Variants in EIF4G3 observed in about 807,000 individuals in gnomAD.
EIF4G3 encodes the protein eukaryotic translation initiation factor 4 gamma 3, also known as eIF-4-gamma 3.
A neutral mutation model predicts 186.4 loss-of-function variants in EIF4G3; 34 were observed. That is an observed-to-expected ratio of 0.18 (90% CI 0.14 to 0.24). The LOEUF (loss-of-function observed/expected upper bound fraction) is 0.24, where lower values mean the gene tolerates loss of function less well. EIF4G3 is among the 10% of genes least tolerant of loss of function. The pLI is 1.00. For missense variants in EIF4G3, 1,536 were observed against 1,948.5 expected (o/e 0.79, Z 3.99); for synonymous variants, 673 against 679.5 (o/e 0.99, Z 0.15).
At chr1:21,164,757 G>A (rs2097827254) in intron 2 of EIF4G3, among the ~76,000 whole-genome samples, 2 of 152,124 alleles carry the variant, frequency 1.3e-5, no homozygotes, top group South Asian at 4.1e-4. Context: ...CCAGTTACTT[G>A]GGAAGCTTAG....
chr1:20,953,891 T>G (rs1254364605), intron 12 of EIF4G3, among the ~76,000 whole-genome samples: 2 of 152,142 alleles, frequency 1.3e-5, no homozygotes, highest in Non-Finnish European at 2.9e-5. Context: ...ATAAATAACA[T>G]GTTATTGGAA....
At chr1:21,127,293 T>G (rs900532154) in intron 2 of EIF4G3, among the ~76,000 whole-genome samples, 2 of 152,118 alleles carry the variant, frequency 1.3e-5, no homozygotes, top group African/African-American at 4.8e-5. Context: ...AAATTTTTTT[T>G]CAGGACTCAA....
chr1:20,936,577 T>A (rs992473339), intron 14 of EIF4G3, among the ~76,000 whole-genome samples: 3 of 152,228 alleles, frequency 2.0e-5, no homozygotes, highest in African/African-American at 7.2e-5. Flanking sequence ...TATTTTAGAA[T>A]ATGTAAGTTG....
At chr1:21,094,805 A>AT (rs55725003) in intron 2 of EIF4G3, among the ~76,000 whole-genome samples, 6 of 148,570 alleles carry the variant, frequency 4.0e-5, no homozygotes, top group East Asian at 2.0e-4. Flanking sequence ...AATAATAATA[A>AT]AAGCCAGGAT....
At chr1:21,027,884 A>G (rs994512520) in intron 4 of EIF4G3, among the ~76,000 whole-genome samples, 2 of 152,214 alleles carry the variant, frequency 1.3e-5, no homozygotes, top group African/African-American at 4.8e-5. Context: ...ATGAAAGCCA[A>G]CCAAGTATGC....
At chr1:21,078,466 A>G (rs1327758582) in intron 3 of EIF4G3, among the ~76,000 whole-genome samples, 1 of 152,224 alleles carries the variant, frequency 6.6e-6, no homozygotes, top group Admixed American at 6.5e-5. Context: ...AAGGGTGGTG[A>G]GACATATGAA....
chr1:21,173,506 G>T (rs2098033482), intron 2 of EIF4G3, among the ~76,000 whole-genome samples: 2 of 152,004 alleles, frequency 1.3e-5, no homozygotes, highest in South Asian at 4.2e-4. Flanking sequence ...GGTCAACATG[G>T]TGAAACCCAG....
chr1:21,110,968 T>C (rs1004152418), intron 2 of EIF4G3, among the ~76,000 whole-genome samples: 5 of 152,248 alleles, frequency 3.3e-5, no homozygotes, highest in Non-Finnish European at 4.4e-5. Flanking sequence ...CCAAAACACT[T>C]GACTTTCTCT....
chr1:20,950,857 A>T (rs1017539241), intron 12 of EIF4G3, among the ~76,000 whole-genome samples: 2 of 152,218 alleles, frequency 1.3e-5, no homozygotes, highest in African/African-American at 4.8e-5. Flanking sequence ...ACTTAGAGGG[A>T]ACAGAATTAC....
intron 33 of EIF4G3, among the ~76,000 whole-genome samples, chr1:20,817,972 C>A (rs1054377207): frequency 6.6e-6 from 1 of 152,170 alleles, no homozygotes; most frequent in African/African-American, 2.4e-5. Context: ...CCACGCCCAA[C>A]CTGTTCGTAT....
chr1:20,950,560 G>A (rs1009369967), intron 12 of EIF4G3, among the ~76,000 whole-genome samples: 1 of 152,096 alleles, frequency 6.6e-6, no homozygotes, highest in Non-Finnish European at 1.5e-5. Flanking sequence ...GCTGAAAAGC[G>A]GTTACAGATT....
At chr1:21,173,621 T>C (rs2098037422) in intron 2 of EIF4G3, among the ~76,000 whole-genome samples, 1 of 151,868 alleles carries the variant, frequency 6.6e-6, no homozygotes, top group Admixed American at 6.6e-5. Context: ...CCAGCCGGCG[T>C]AGGTTGCAGT....
intron 27 of EIF4G3, 136 bp downstream of exon 27, chr1:20,853,423 TG>T (rs1190345150): frequency 3.5e-6 from 2 of 578,084 alleles, no homozygotes; most frequent in Non-Finnish European, 6.3e-6. Context: ...TTATAGTGTG[TG>T]AAGATTAAAG....
chr1:21,130,267 C>A (rs889891973), intron 2 of EIF4G3, among the ~76,000 whole-genome samples: 3 of 148,126 alleles, frequency 2.0e-5, no homozygotes, highest in Non-Finnish European at 4.5e-5. Flanking sequence ...CTCTGTCGCC[C>A]AGGCTAGGGT....
intron 26 of EIF4G3, among the ~76,000 whole-genome samples, chr1:20,854,712 T>TATAA (rs375345484): frequency 0.076 from 11,287 of 147,934 alleles, 614 homozygotes; most frequent in African/African-American, 0.15. Context: ...CTCAAAAATA[T>TATAA]ATAAATAAAT....
At chr1:20,911,914 G>A (rs2093283560) in intron 14 of EIF4G3, among the ~76,000 whole-genome samples, 1 of 151,596 alleles carries the variant, frequency 6.6e-6, no homozygotes, top group Non-Finnish European at 1.5e-5. Context: ...AATATAGATA[G>A]CTAGACTCTG....
intron 14 of EIF4G3, among the ~76,000 whole-genome samples, chr1:20,906,532 A>T (rs1235948222): frequency 1.3e-5 from 2 of 152,204 alleles, no homozygotes; most frequent in African/African-American, 4.8e-5. Context: ...GCTCAAAAGG[A>T]ACTTCCTCTA....
intron 15 of EIF4G3, among the ~76,000 whole-genome samples, chr1:20,904,633 C>T (rs577146308): frequency 1.3e-5 from 2 of 152,218 alleles, no homozygotes; most frequent in East Asian, 3.9e-4. Context: ...CAGTTGTTAG[C>T]CACTGTGCCT....
intron 4 of EIF4G3, among the ~76,000 whole-genome samples, chr1:21,049,819 A>C (rs951213482): frequency 1.1e-4 from 17 of 152,246 alleles, no homozygotes; most frequent in African/African-American, 4.1e-4. Context: ...TGAGCCCAGG[A>C]GTTAGAGGTT....
Sources: allele counts gnomAD v4.1 joint callset (sites outside exome capture counted in the v4.1 genomes callset), GRCh38; gene constraint gnomAD v4.1.1; transcripts MANE v1.5; gene names NCBI Gene and HGNC (gene_info 2026-07-23, HGNC 2026-07-21).